Variants in AGBL1 observed in about 807,000 individuals in gnomAD.
AGBL1 encodes the protein cytosolic carboxypeptidase 4.
Under a neutral mutation model 118.9 loss-of-function variants are expected in AGBL1, and 130 were observed. That is an observed-to-expected ratio of 1.09 (90% CI 0.95 to 1.26). AGBL1 has a LOEUF of 1.26. Among genes scored for constraint, AGBL1 ranks in the 50% most tolerant of loss-of-function variants. The pLI is 0.00. For synonymous variants in AGBL1, 555 were observed against 478.9 expected, an observed-to-expected ratio of 1.16 and a Z score of -2.08; for missense variants, 1,584 against 1,298.1, an observed-to-expected ratio of 1.22 and a Z score of -3.38.
intron 22 of AGBL1, among the ~76,000 whole-genome samples, chr15:86,684,077 G>T (rs1225614145): frequency 6.6e-6 from 1 of 152,126 alleles, no homozygotes; most frequent in Non-Finnish European, 1.5e-5. Context: ...AATAGTGAAG[G>T]CAAAGGAGAG....
intron 18 of AGBL1, among the ~76,000 whole-genome samples, chr15:86,484,343 A>G (rs1210521346): frequency 1.3e-5 from 2 of 152,070 alleles, no homozygotes; most frequent in Non-Finnish European, 2.9e-5. Flanking sequence ...GAGGGCAGCG[A>G]ATCATTTTTA....
intron 19 of AGBL1, among the ~76,000 whole-genome samples, chr15:86,541,666 C>T (rs765596100): frequency 2.7e-5 from 4 of 147,408 alleles, no homozygotes; most frequent in African/African-American, 1.0e-4. Flanking sequence ...AATAGGACAT[C>T]ATGCAAATCA....
In AGBL1 at chr15:86,947,197, G is replaced by T. The variant is rs117727864; in HGVS notation, c.3222-40790G>T. ...TAATGAAAGCTGCCCGGCTCCTGTT[G>T]ACTAAGTATATGCTTGGATTTGATC... is the stretch of plus-strand genomic sequence containing the variant. On this transcript the variant is annotated intron_variant, in intron 23 of 24. Coordinates refer to the AGBL1 transcript ENST00000441037. Among the ~76,000 whole-genome samples, 432 of 152,262 alleles carry T rather than the reference G, an allele frequency of 2.8e-3. 17 individuals carry two copies. In the East Asian group the frequency reaches 0.073, roughly 26 times the overall value.
chr15:86,769,080 C>G (rs2078135355), intron 22 of AGBL1, among the ~76,000 whole-genome samples: 1 of 151,806 alleles, frequency 6.6e-6, no homozygotes, highest in African/African-American at 2.4e-5. Context: ...ATCCTTGGAT[C>G]CAGTGAGGGC....
At chr15:86,821,207 T>G (rs1370516413) in intron 22 of AGBL1, among the ~76,000 whole-genome samples, 1 of 151,988 alleles carries the variant, frequency 6.6e-6, no homozygotes, top group Non-Finnish European at 1.5e-5. Context: ...GGGATAGCAT[T>G]AGGAGAAATA....
intron 23 of AGBL1, among the ~76,000 whole-genome samples, chr15:86,949,069 C>T (rs1357412706): frequency 6.6e-6 from 1 of 150,998 alleles, no homozygotes; most frequent in Non-Finnish European, 1.5e-5. Context: ...ATAAAAACTG[C>T]AGAAAAAGTC....
intron 22 of AGBL1, among the ~76,000 whole-genome samples, chr15:86,729,111 C>T (rs2077495701): frequency 6.6e-6 from 1 of 152,182 alleles, no homozygotes; most frequent in Non-Finnish European, 1.5e-5. Flanking sequence ...TAACCAATTT[C>T]TGGCAAGTTT....
intron 24 of AGBL1, among the ~76,000 whole-genome samples, chr15:87,011,902 TAAAG>T (rs1386351762): frequency 6.6e-6 from 1 of 152,114 alleles, no homozygotes; most frequent in Non-Finnish European, 1.5e-5. Context: ...AGAAAATCTA[TAAAG>T]AGTCATCAAA....
chr15:86,698,136 A>G (rs576164417), intron 22 of AGBL1, among the ~76,000 whole-genome samples: 2 of 151,926 alleles, frequency 1.3e-5, no homozygotes, highest in East Asian at 1.9e-4. Flanking sequence ...TCTTTCTCTT[A>G]CTAACTTCTA....
intron 22 of AGBL1, among the ~76,000 whole-genome samples, chr15:86,775,611 T>C (rs2078244087): frequency 6.6e-6 from 1 of 152,110 alleles, no homozygotes; most frequent in African/African-American, 2.4e-5. Context: ...TGAAAAAGAC[T>C]TAGTACAGGT....
At chr15:86,697,994 C>G (rs2086291528) in intron 22 of AGBL1, among the ~76,000 whole-genome samples, 1 of 151,994 alleles carries the variant, frequency 6.6e-6, no homozygotes, top group South Asian at 2.1e-4. Flanking sequence ...ATTTTCTTAG[C>G]TTTCCTAGTA....
chr15:86,428,857 G>A (rs539732545), intron 18 of AGBL1, among the ~76,000 whole-genome samples: 4 of 152,172 alleles, frequency 2.6e-5, no homozygotes, highest in Non-Finnish European at 5.9e-5. Context: ...CCCTTTTGGA[G>A]ACTCATGTTC....
chr15:86,956,884 G>A lies in AGBL1; in HGVS notation c.3222-31103G>A, dbSNP rs543076378. Among the ~76,000 whole-genome samples, 22 of 152,240 alleles carry A rather than the reference G, an allele frequency of 1.4e-4. 1 individual carries two copies. The South Asian group carries it at 4.1e-3, about 29-fold the overall frequency. ...GGAATAACAATTAATATTTACATAA[G>A]TTAAACATGCAGCATATAACACTGA... On this transcript the variant is annotated intron_variant, in intron 23 of 24. Coordinates refer to the AGBL1 transcript ENST00000441037.
chr15:86,900,951 T>G (rs908375989), intron 22 of AGBL1, among the ~76,000 whole-genome samples: 9 of 152,184 alleles, frequency 5.9e-5, no homozygotes, highest in Non-Finnish European at 8.8e-5. Flanking sequence ...GACATCCCAT[T>G]ATATTAGCTA....
chr15:86,537,447 A>G (rs751428818), intron 19 of AGBL1, among the ~76,000 whole-genome samples: 22 of 152,186 alleles, frequency 1.4e-4, no homozygotes, highest in Middle Eastern at 3.2e-3. Flanking sequence ...TCTCCCTTCA[A>G]TGTCTGAAAC....
rs114098373 is a variant in AGBL1 at position 86,667,551 on chromosome 15, C to T, written c.2995-6722C>T. Among the ~76,000 whole-genome samples the T allele has an allele frequency of 6.7e-3, 1,017 of 152,152 alleles. 8 individuals are homozygous for T. Among genetic ancestry groups the T allele is most frequent in the East Asian group, 0.021 (107 of 5,174 alleles). ...GAATAAATATTAGACTGTTTAATTTCAGTTATTTATAGGGATCTTGATCCT... is the reference window on the plus strand; with the variant it reads ...GAATAAATATTAGACTGTTTAATTTTAGTTATTTATAGGGATCTTGATCCT... On this transcript the variant is annotated intron_variant, in intron 21 of 22. Transcript: ENST00000614907.
At chr15:86,107,852 A>C (rs538446937) in intron 1 of AGBL1, among the ~76,000 whole-genome samples, 2 of 152,316 alleles carry the variant, frequency 1.3e-5, no homozygotes, top group East Asian at 3.9e-4. Context: ...GCCCTCTCAG[A>C]GAGCTTCTCA....
At chr15:86,115,979 T>C (rs907704712) in intron 1 of AGBL1, among the ~76,000 whole-genome samples, 4 of 152,198 alleles carry the variant, frequency 2.6e-5, no homozygotes, top group Admixed American at 6.5e-5. Context: ...GGTTGGTATT[T>C]AAGTCAGATC....
chr15:86,606,153 A>C (rs2084574887), intron 21 of AGBL1, among the ~76,000 whole-genome samples: 1 of 151,682 alleles, frequency 6.6e-6, no homozygotes, highest in South Asian at 2.1e-4. Flanking sequence ...AGAGTAAAGA[A>C]GAAAGGAGTC....
Sources: allele counts gnomAD v4.1 joint callset (sites outside exome capture counted in the v4.1 genomes callset), GRCh38; gene constraint gnomAD v4.1.1; transcripts MANE v1.5; gene names NCBI Gene and HGNC (gene_info 2026-07-23, HGNC 2026-07-21).